The following FAT1 variants were observed in gnomAD, a reference collection of about 807,000 sequenced individuals.
FAT1 encodes the protein FAT atypical cadherin 1.
Under a neutral mutation model 329.8 loss-of-function variants are expected in FAT1, and 171 were observed. The ratio of observed to expected loss-of-function variants is 0.52; its 90% CI spans 0.46 to 0.59. FAT1 has a LOEUF of 0.59. Ranked by LOEUF, FAT1 falls within the 20% of genes least tolerant of loss-of-function variation. The pLI is 0.00. For synonymous variants in FAT1, 2,233 were observed against 2,228.6 expected (o/e 1.00, Z -0.06); for missense variants, 5,672 against 5,774.4 (o/e 0.98, Z 0.57).
Position 186,657,548 on chromosome 4 carries a change from T to A in FAT1, c.3580+5751A>T, listed in dbSNP as rs192618783. Among the ~76,000 whole-genome samples the A allele has an allele frequency of 6.1e-3, 934 of 152,248 alleles. 5 individuals are homozygous for A. Among genetic ancestry groups the A allele is most frequent in the Middle Eastern group, 0.017 (5 of 294 alleles). On this transcript the variant is annotated intron_variant, in intron 3 of 26. Transcript: ENST00000441802. ...AGACCTTTGGGAATGATGGGTGTGG[T>A]CACTGCCTGATAGTGGTGATGTTTT...
At chr4:186,635,587 A>C (rs991590417) in intron 6 of FAT1, among the ~76,000 whole-genome samples, 14 of 152,226 alleles carry the variant, frequency 9.2e-5, no homozygotes, top group African/African-American at 2.9e-4. Context: ...AAATATTGAC[A>C]TGTGACAGTC....
chr4:186,723,480 C>A (rs944803314), intron 1 of FAT1, among the ~76,000 whole-genome samples, 184 bp downstream of exon 1: 3 of 152,330 alleles, frequency 2.0e-5, no homozygotes, highest in African/African-American at 7.2e-5. Context: ...ACCCCCCTAG[C>A]CAGTGCTGAA....
At chr4:186,641,680 A>G (rs1741103468) in intron 3 of FAT1, among the ~76,000 whole-genome samples, 1 of 152,230 alleles carries the variant, frequency 6.6e-6, no homozygotes, top group Admixed American at 6.5e-5. Flanking sequence ...CAAGAAGGCT[A>G]AGGAAAGCTG....
At chr4:186,654,374 T>C (rs1001667777) in intron 3 of FAT1, among the ~76,000 whole-genome samples, 17 of 152,066 alleles carry the variant, frequency 1.1e-4, no homozygotes, top group African/African-American at 4.1e-4. Flanking sequence ...CAAGACACAG[T>C]AGACGGGTGG....
rs372629114 is a variant in FAT1 at position 186,618,498 on chromosome 4, C to T, written c.8088G>A (p.Pro2696=). 15 of 1,613,874 alleles carry T rather than the reference C, an allele frequency of 9.3e-6. No individual in the cohort carries two copies. Among genetic ancestry groups the T allele is most frequent in the South Asian group, 4.4e-5 (4 of 91,080 alleles). ...CTGAAAATTTTGGAAGCTGCATTTC[C>T]GGTGGAAGGATTTTAACATAGACAA... ...VVLVYVKILP[P]EMQLPKFSEP... Residue 2696 remains proline (P), a synonymous_variant, in exon 10 of 27, where the codon CCG becomes CCA. Transcript: ENST00000441802.
chr4:186,633,805 T>C lies in FAT1; in HGVS notation c.4202A>G (p.His1401Arg). Residue 1401 changes from histidine (H) to arginine (R), a missense_variant, in exon 7 of 27, where the codon CAC (histidine) becomes CGC (arginine). This residue lies in a region of FAT1 where 3,966 missense variants were observed against 3,915.2 expected (regional missense o/e 1.01). Coordinates refer to ENST00000441802, the MANE Select transcript of FAT1 (RefSeq NM_005245.4). ...FDITGGNYDS[H>R]FDVDKGTGTI... ...TCCAGTTCCCTTGTCCACATCGAAG[T>C]GACTGTCGTAGTTGCCACCTAATTT... 1.2e-6 allele frequency: 2 copies of C among 1,613,976 alleles called. No individual in the cohort carries two copies. The highest frequency in any genetic ancestry group is 1.3e-5 in the African/African-American group (1 of 75,040).
chr4:186,679,310 G>C (rs9759551), intron 2 of FAT1, among the ~76,000 whole-genome samples: 4,765 of 151,688 alleles, frequency 0.031, 241 homozygotes, highest in African/African-American at 0.11. Flanking sequence ...CCAGCTACTC[G>C]GGAGGCTGAG....
intron 26 of FAT1, chr4:186,592,738 C>T (rs1046890163): frequency 8.8e-6 from 4 of 456,524 alleles, no homozygotes; most frequent in African/African-American, 4.0e-5. Context: ...AGGTGCATTA[C>T]GGTCACTATG....
intron 5 of FAT1, 38 bp from the exon 6 acceptor site, chr4:186,636,273 T>G (rs765556323): frequency 1.0e-5 from 16 of 1,581,988 alleles, no homozygotes; most frequent in Admixed American, 5.0e-5. Flanking sequence ...AAACAGCAAA[T>G]CAGGAGTTAC....
In FAT1 at chr4:186,588,387, A is replaced by T. The variant is rs1417115791; in HGVS notation, c.*205T>A. On this transcript the variant is annotated 3_prime_UTR_variant, in exon 27 of 27. Transcript: ENST00000441802. The stretch of plus-strand genomic sequence containing the variant: ...GATGTAAATCCCAAAAGACGTTGGG[A>T]AATGGCACAGCCGATGAAAACCTCA... The T allele has an allele frequency of 1.4e-5, 8 of 578,790 alleles. No individual in the cohort carries two copies. The highest frequency in any genetic ancestry group is 2.3e-5 in the Non-Finnish European group (8 of 341,722). 35.9% of individuals were successfully genotyped at this position (578,790 alleles called of 1,614,324 possible).
intron 1 of FAT1, among the ~76,000 whole-genome samples, chr4:186,723,396 G>A (rs1297389771): frequency 6.6e-6 from 1 of 152,230 alleles, no homozygotes; most frequent in Non-Finnish European, 1.5e-5. Flanking sequence ...CGGCGTGTCA[G>A]AAAGGATCGG....
chr4:186,663,072 G>A (rs1579409502), intron 3 of FAT1, among the ~76,000 whole-genome samples: 2 of 152,166 alleles, frequency 1.3e-5, no homozygotes, highest in East Asian at 1.9e-4. Flanking sequence ...TCCTGACCTC[G>A]TGATCTGCCT....
intron 2 of FAT1, among the ~76,000 whole-genome samples, chr4:186,696,762 G>T (rs184885707): frequency 1.3e-5 from 2 of 152,146 alleles, no homozygotes; most frequent in Admixed American, 6.5e-5. Context: ...AGTGGCTCAC[G>T]CCTGTAATTC....
intron 3 of FAT1, among the ~76,000 whole-genome samples, chr4:186,662,477 A>C (rs923754119): frequency 1.3e-5 from 2 of 152,176 alleles, no homozygotes; most frequent in Admixed American, 6.5e-5. Context: ...AAATATTAGA[A>C]GCAAAAGGCC....
At chr4:186,668,108 G>A (rs546516329) in intron 2 of FAT1, among the ~76,000 whole-genome samples, 5 of 152,252 alleles carry the variant, frequency 3.3e-5, no homozygotes, top group African/African-American at 4.8e-5. Context: ...GTACCTAGGC[G>A]CTATTATAGG....
chr4:186,628,526 C>A lies in FAT1; in HGVS notation c.4561G>T (p.Asp1521Tyr). The change falls in exon 8 of 27, where the codon GAT becomes TAT. Residue 1521 changes from aspartate (D) to tyrosine (Y), a missense_variant. By Grantham distance (160) the Asp-to-Tyr change is radical. Transcript: ENST00000441802. ...GTGTGCTGGTGAACAGCTTCATGAT[C>A]CAGTTTCTCAGAAGTATAGAGAGAG... ...TGSLYTSEKL[D>Y]HEAVHQHTLT... 1 of 1,613,996 alleles carries A rather than the reference C, an allele frequency of 6.2e-7. No homozygotes were observed. The highest frequency in any genetic ancestry group is 8.5e-7 in the Non-Finnish European group (1 of 1,179,886).
At chr4:186,642,959 G>C (rs988611193) in intron 3 of FAT1, among the ~76,000 whole-genome samples, 3 of 152,208 alleles carry the variant, frequency 2.0e-5, no homozygotes, top group African/African-American at 7.2e-5. Flanking sequence ...AAGTGAGGCA[G>C]GAAGTAGACC....
chr4:186,705,297 T>A (rs116144931), intron 2 of FAT1, among the ~76,000 whole-genome samples: 2 of 152,256 alleles, frequency 1.3e-5, no homozygotes, highest in African/African-American at 4.8e-5. Context: ...TACACACCTA[T>A]CAGATGGCAT....
At chr4:186,670,969 C>A (rs1215552257) in intron 2 of FAT1, among the ~76,000 whole-genome samples, 1 of 152,022 alleles carries the variant, frequency 6.6e-6, no homozygotes, top group East Asian at 1.9e-4. Context: ...CTTACATACT[C>A]ATGTAAGATG....
Sources: allele counts gnomAD v4.1 joint callset (sites outside exome capture counted in the v4.1 genomes callset), GRCh38; gene constraint gnomAD v4.1.1; regional missense constraint gnomAD v4.1.1; transcripts MANE v1.5; gene names NCBI Gene and HGNC (gene_info 2026-07-23, HGNC 2026-07-21).